The following XKR4 variants were observed in gnomAD, a reference collection of about 807,000 sequenced individuals.
XKR4 encodes XK related 4, also known as XK-related protein 4.
XKR4 carries 12 observed loss-of-function variants against 53.9 expected under a neutral mutation model. The observed-to-expected ratio is 0.22, with a 90% CI of 0.14 to 0.36. The LOEUF (loss-of-function observed/expected upper bound fraction) is 0.36, where lower values mean the gene tolerates loss of function less well. Ranked by LOEUF, XKR4 falls within the 10% of genes least tolerant of loss-of-function variation. The pLI is 1.00. For synonymous variants in XKR4, 354 were observed against 362.4 expected (o/e 0.98, Z 0.26); for missense variants, 799 against 859.5 (o/e 0.93, Z 0.88).
chr8:55,173,042 T>C (rs1031691048), intron 1 of XKR4, among the ~76,000 whole-genome samples: 3 of 152,216 alleles, frequency 2.0e-5, no homozygotes, highest in African/African-American at 7.2e-5. Context: ...AGTATTGTTG[T>C]TATTTGTGTT....
chr8:55,196,861 T>C (rs944037839), intron 1 of XKR4, among the ~76,000 whole-genome samples: 1 of 152,168 alleles, frequency 6.6e-6, no homozygotes, highest in African/African-American at 2.4e-5. Context: ...TCTCTGGGTG[T>C]CTGCCTCTGC....
intron 1 of XKR4, among the ~76,000 whole-genome samples, chr8:55,278,003 G>A (rs1818787840): frequency 1.3e-5 from 2 of 152,032 alleles, no homozygotes; most frequent in African/African-American, 2.4e-5. Context: ...CCTAAGCATT[G>A]GGCTATGGAT....
chr8:55,285,633 G>T (rs1409890498), intron 1 of XKR4, among the ~76,000 whole-genome samples: 1 of 152,188 alleles, frequency 6.6e-6, no homozygotes. Flanking sequence ...TCCTCGAAGA[G>T]TTTTCGCGCC....
intron 2 of XKR4, among the ~76,000 whole-genome samples, chr8:55,422,507 G>C (rs1261395982): frequency 6.6e-6 from 1 of 152,202 alleles, no homozygotes; most frequent in Admixed American, 6.5e-5. Context: ...GGCTGCGGAA[G>C]TATATTCGAG....
rs141124556 is a variant in XKR4 at position 55,209,598 on chromosome 8, G to A, written c.806+106304G>A. ...CACACACTGCTGTGGTGTGCTCCGC[G>A]GACGTGCCGTGGGGAAGCCAACTTT... is the stretch of plus-strand genomic sequence containing the variant. On this transcript the variant is annotated intron_variant, in intron 1 of 2. Coordinates refer to ENST00000327381, the MANE Select transcript of XKR4 (RefSeq NM_052898.2). 5.2e-3 allele frequency among the ~76,000 whole-genome samples: 794 copies of A among 152,264 alleles called. 2 individuals are homozygous for A. Among genetic ancestry groups the A allele is most frequent in the African/African-American group, 0.017 (716 of 41,536 alleles).
intron 1 of XKR4, among the ~76,000 whole-genome samples, chr8:55,214,244 T>A (rs913283526): frequency 3.3e-5 from 5 of 152,196 alleles, no homozygotes; most frequent in Non-Finnish European, 7.3e-5. Flanking sequence ...TCAGTAAATT[T>A]AAAAAGCCCT....
chr8:55,226,894 G>A (rs1454583797), intron 1 of XKR4, among the ~76,000 whole-genome samples: 1 of 152,172 alleles, frequency 6.6e-6, no homozygotes, highest in East Asian at 1.9e-4. Context: ...TCACTGTTGA[G>A]ATGAAAGTCA....
At chr8:55,449,504 G>C in intron 2 of XKR4, 1 of 1,355,300 alleles carries the variant, frequency 7.4e-7, no homozygotes, top group Non-Finnish European at 1.0e-6. Context: ...GCAAGGTCGG[G>C]AGGCTCAGGC....
chr8:55,495,082 A>C (rs1806322808), intron 2 of XKR4, among the ~76,000 whole-genome samples: 1 of 152,098 alleles, frequency 6.6e-6, no homozygotes. Flanking sequence ...GTCAGTGCCC[A>C]AAGTCCAGAG....
At chr8:55,388,745 C>A (rs1585551228) in intron 2 of XKR4, among the ~76,000 whole-genome samples, 1 of 152,220 alleles carries the variant, frequency 6.6e-6, no homozygotes, top group Non-Finnish European at 1.5e-5. Context: ...TAGCAATGGA[C>A]TTCCTTAGCT....
In XKR4 at chr8:55,476,891, C is replaced by T. The variant is rs139936137; in HGVS notation, c.1007-46390C>T. 9.9e-3 allele frequency among the ~76,000 whole-genome samples: 1,511 copies of T among 152,178 alleles called. 40 individuals carry two copies. The highest frequency in any genetic ancestry group is 0.034 in the African/African-American group (1,415 of 41,458). ...GGCTTGATTAGGTAAACAAAGCAGCCGGGAAGCTCGAACTGGGTGGAGCCC... is the reference window on the plus strand; with the variant it reads ...GGCTTGATTAGGTAAACAAAGCAGCTGGGAAGCTCGAACTGGGTGGAGCCC... On this transcript the variant is annotated intron_variant, in intron 2 of 2. Coordinates refer to ENST00000327381, the MANE Select transcript of XKR4 (RefSeq NM_052898.2).
At chr8:55,486,596 T>C (rs1312858835) in intron 2 of XKR4, among the ~76,000 whole-genome samples, 1 of 152,216 alleles carries the variant, frequency 6.6e-6, no homozygotes, top group Non-Finnish European at 1.5e-5. Flanking sequence ...TCATACACAA[T>C]TGAATAGTTT....
At chr8:55,430,551 G>A (rs143049751) in intron 2 of XKR4, among the ~76,000 whole-genome samples, 173 of 152,288 alleles carry the variant, frequency 1.1e-3, no homozygotes, top group African/African-American at 4.0e-3. Context: ...GGCTGAAAAC[G>A]GTGATGGAAA....
chr8:55,186,417 A>G (rs1473727466), intron 1 of XKR4, among the ~76,000 whole-genome samples: 1 of 152,128 alleles, frequency 6.6e-6, no homozygotes, highest in Non-Finnish European at 1.5e-5. Context: ...GCACTTTGGG[A>G]GGCCAAGGAG....
chr8:55,307,411 GGA>G (rs1234369160), intron 1 of XKR4, among the ~76,000 whole-genome samples: 1 of 152,122 alleles, frequency 6.6e-6, no homozygotes, highest in African/African-American at 2.4e-5. Flanking sequence ...CAATACTTTG[GGA>G]GGCCAAGGAG....
chr8:55,385,437 T>C (rs747753136), intron 2 of XKR4, among the ~76,000 whole-genome samples: 25 of 152,212 alleles, frequency 1.6e-4, no homozygotes, highest in Admixed American at 2.6e-4. Context: ...CCTCCGCACA[T>C]ACCTTACTCT....
intron 2 of XKR4, among the ~76,000 whole-genome samples, chr8:55,497,404 T>C (rs893410307): frequency 3.3e-5 from 5 of 152,240 alleles, no homozygotes; most frequent in African/African-American, 1.2e-4. Flanking sequence ...TTTTGACGTT[T>C]ATAAAGTTGG....
At chr8:55,273,963 A>C (rs1466805543) in intron 1 of XKR4, among the ~76,000 whole-genome samples, 1 of 152,208 alleles carries the variant, frequency 6.6e-6, no homozygotes, top group Non-Finnish European at 1.5e-5. Flanking sequence ...GGTAGATATG[A>C]AGCCTTCTGA....
At chr8:55,201,331 T>C (rs1294350487) in intron 1 of XKR4, among the ~76,000 whole-genome samples, 1 of 152,222 alleles carries the variant, frequency 6.6e-6, no homozygotes, top group African/African-American at 2.4e-5. Context: ...CACTGGGACA[T>C]TTCTATGCCA....
Sources: allele counts gnomAD v4.1 joint callset (sites outside exome capture counted in the v4.1 genomes callset), GRCh38; gene constraint gnomAD v4.1.1; transcripts MANE v1.5; gene names NCBI Gene and HGNC (gene_info 2026-07-23, HGNC 2026-07-21).